The following SYNE2 variants were observed in gnomAD, a reference collection of about 807,000 sequenced individuals.
SYNE2 encodes the protein spectrin repeat containing nuclear envelope protein 2.
A neutral mutation model predicts 856.3 loss-of-function variants in SYNE2; 431 were observed. That is an observed-to-expected ratio of 0.50 (90% confidence interval 0.47 to 0.55). The LOEUF (loss-of-function observed/expected upper bound fraction) is 0.55, where lower values mean the gene tolerates loss of function less well. Among genes scored for constraint, SYNE2 ranks in the 20% least tolerant of loss-of-function variants. SYNE2 has a pLI of 0.00. For synonymous variants in SYNE2, 2,923 were observed against 2,872.3 expected (o/e 1.02, Z -0.56); for missense variants, 8,129 against 8,023.2 (o/e 1.01, Z -0.50).
intron 51 of SYNE2, among the ~76,000 whole-genome samples, chr14:64,067,727 C>A (rs370346132): frequency 5.9e-5 from 9 of 152,122 alleles, no homozygotes; most frequent in East Asian, 1.9e-4. Context: ...ACTTGTGTCC[C>A]CCTAAAATTT....
chr14:64,019,137 G>A (rs2096917115), intron 34 of SYNE2, among the ~76,000 whole-genome samples: 2 of 152,158 alleles, frequency 1.3e-5, no homozygotes, highest in Admixed American at 6.5e-5. Flanking sequence ...GCTGGGTGTG[G>A]TGGTGTGTGC....
In SYNE2 at chr14:64,224,979, G is replaced by A. The variant is rs1238595106; in HGVS notation, c.20470-20G>A. 1 of 1,612,752 alleles carries A rather than the reference G, an allele frequency of 6.2e-7. No individual in the cohort carries two copies. The highest frequency in any genetic ancestry group is 2.2e-5 in the East Asian group (1 of 44,844). ...CTAAACTGTCTTCAACTTACTAACT[G>A]GAGTTTCTTTACCCAGCAGTTCAGA... On this transcript the variant is annotated intron_variant, in intron 114 of 115. Transcript: ENST00000555002.
At chr14:64,141,910 G>A (rs200847610) in intron 81 of SYNE2, 32 bp from the exon 82 acceptor site, 3 of 1,612,282 alleles carry the variant, frequency 1.9e-6, no homozygotes, top group Non-Finnish European at 2.5e-6. Context: ...TTAACTGCAG[G>A]CAATTAAATG....
rs1368665282 is a variant in SYNE2, at chr14:64,051,536, CTA to C, written c.7644-19_7644-18del. 1 of 1,597,516 alleles carries C rather than the reference CTA, an allele frequency of 6.3e-7. No individual in the cohort carries two copies. The highest frequency in any genetic ancestry group is 1.7e-4 in the Middle Eastern group (1 of 5,924). ...AATAAGCATTAAATATTAACAAGCT[CTA>C]TTTTTATTCTTTTTCTAGAGGACCA... is the stretch of plus-strand genomic sequence containing the variant. On this transcript the variant is annotated intron_variant, in intron 47 of 115. Coordinates refer to ENST00000555002, the MANE Select transcript of SYNE2 (RefSeq NM_182914.3).
intron 73 of SYNE2, among the ~76,000 whole-genome samples, chr14:64,127,421 AAAAAAAT>A (rs749256642): frequency 4.6e-5 from 7 of 152,182 alleles, no homozygotes; most frequent in East Asian, 3.8e-4. Flanking sequence ...AGAAAAAAGT[AAAAAAAT>A]AAAAAATAAA....
At position 64,168,864 on chromosome 14, in the gene SYNE2, G is replaced by T. The variant is rs1259304140; in HGVS notation, c.16906-13G>T. On this transcript the variant is annotated splice_polypyrimidine_tract_variant and intron_variant, in intron 92 of 115. Transcript: ENST00000555002. Reference sequence around the variant, plus strand: ...TTTACTAGCTGATATTTTCTGCTTGGACTCATATACAGATGTTAGAAGCTG... The same window carrying T: ...TTTACTAGCTGATATTTTCTGCTTGTACTCATATACAGATGTTAGAAGCTG... 2 of 1,573,132 alleles carry T rather than the reference G, an allele frequency of 1.3e-6. No individual in the cohort carries two copies. The highest frequency in any genetic ancestry group is 2.2e-5 in the South Asian group (2 of 90,202).
intron 80 of SYNE2, among the ~76,000 whole-genome samples, 170 bp downstream of exon 80, chr14:64,140,243 G>A (rs556231298): frequency 5.9e-5 from 9 of 152,234 alleles, no homozygotes; most frequent in Middle Eastern, 3.4e-3. Flanking sequence ...CTGTTCATTC[G>A]TTTATAATAA....
rs148693358 is a variant in SYNE2, at chr14:64,065,917, A to G, written c.10431+267A>G. ...ACTACTAGCTGGTTTGAGTTTTACA[A>G]TCTTTATTGTGAAAATAACCCCTCT... On this transcript the variant is annotated intron_variant, in intron 51 of 115. Coordinates refer to ENST00000555002, the MANE Select transcript of SYNE2 (RefSeq NM_182914.3). Among the ~76,000 whole-genome samples, 300 of 152,314 alleles carry G rather than the reference A, an allele frequency of 2.0e-3. 2 individuals are homozygous for G. Among genetic ancestry groups the G allele is most frequent in the African/African-American group, 6.9e-3 (286 of 41,574 alleles).
intron 103 of SYNE2, among the ~76,000 whole-genome samples, chr14:64,211,254 G>A (rs1476056133): frequency 6.6e-6 from 1 of 152,128 alleles, no homozygotes; most frequent in African/African-American, 2.4e-5. Context: ...CTGGGATCGT[G>A]GGTGTGAGCC....
At chr14:63,928,633 G>T (rs1198489353) in intron 2 of SYNE2, among the ~76,000 whole-genome samples, 1 of 152,030 alleles carries the variant, frequency 6.6e-6, no homozygotes, top group Non-Finnish European at 1.5e-5. Flanking sequence ...TGTTTTGATT[G>T]TACATGCCTG....
rs199743242 is a variant in SYNE2 at position 64,027,590 on chromosome 14, C to G, written c.6511C>G (p.Leu2171Val). Residue 2171 changes from leucine to valine, a missense_variant, in exon 43 of 116, where the codon CTA becomes GTA. Around this residue, in one of 3 missense-constraint regions of SYNE2, gnomAD observed 297 missense variants for 380.9 expected, o/e 0.78. Coordinates refer to ENST00000555002, the MANE Select transcript of SYNE2 (RefSeq NM_182914.3). ...GAAGAAACAGGAAGCAGGCTTTGCT[C>G]TACAACATGGTCTGCAGGAGAAGAA... ...LKKKQEAGFA[L>V]QHGLQEKKAQ... 5.7e-4 allele frequency: 923 copies of G among 1,613,906 alleles called. 2 individuals carry two copies. The highest frequency in any genetic ancestry group is 7.5e-4 in the Non-Finnish European group (883 of 1,179,956).
At chr14:63,932,797 G>A (rs1487282528) in intron 2 of SYNE2, among the ~76,000 whole-genome samples, 4 of 152,328 alleles carry the variant, frequency 2.6e-5, no homozygotes, top group African/African-American at 4.8e-5. Context: ...GGGTGCCGGC[G>A]TTTCTATGAA....
chr14:64,124,896 G>A (rs1479726277), intron 70 of SYNE2, among the ~76,000 whole-genome samples, 183 bp from the exon 71 acceptor site: 3 of 152,106 alleles, frequency 2.0e-5, no homozygotes, highest in Admixed American at 6.5e-5. Flanking sequence ...CCAGCTACTC[G>A]GGAGGCTGAG....
chr14:64,001,442 T>C (rs1034532081), intron 28 of SYNE2, among the ~76,000 whole-genome samples: 1 of 152,152 alleles, frequency 6.6e-6, no homozygotes, highest in African/African-American at 2.4e-5. Context: ...CCCAGCACTT[T>C]GGGAGGCCAA....
chr14:64,044,545 G>C (rs1356073639), intron 45 of SYNE2, among the ~76,000 whole-genome samples: 1 of 152,158 alleles, frequency 6.6e-6, no homozygotes, highest in East Asian at 1.9e-4. Flanking sequence ...GAGATTTGGA[G>C]GGGCCAGATG....
At position 64,024,964 on chromosome 14, in the gene SYNE2, A is replaced by G. The variant is rs80046702; in HGVS notation, c.5893A>G (p.Lys1965Glu). Residue 1965 changes from lysine (K) to glutamate (E), a missense_variant, in exon 40 of 116, where the codon AAA (lysine) becomes GAA (glutamate). Physicochemically the swap from Lys to Glu is moderately conservative, Grantham distance 56. This residue lies in a region of SYNE2 where 2,422 missense variants were observed against 2,357.4 expected (regional missense o/e 1.03). Transcript: ENST00000555002. ...LRKWLTNQEEKWKGMEEPGEK... is the reference protein window; with the variant it reads ...LRKWLTNQEEEWKGMEEPGEK... Reference sequence around the variant, plus strand: ...GAAGTGGTTGACTAATCAAGAAGAGAAATGGAAAGGAATGGAAGAACCAGG... The same window carrying G: ...GAAGTGGTTGACTAATCAAGAAGAGGAATGGAAAGGAATGGAAGAACCAGG... 427 of 1,614,042 alleles carry G rather than the reference A, an allele frequency of 2.6e-4. 3 individuals are homozygous for G. The East Asian group carries it at 9.5e-3, about 36-fold the overall frequency.
At chr14:64,123,176 T>C (rs1477549289) in intron 70 of SYNE2, among the ~76,000 whole-genome samples, 1 of 152,092 alleles carries the variant, frequency 6.6e-6, no homozygotes, top group Non-Finnish European at 1.5e-5. Context: ...TTCTTTGGAA[T>C]CTACCATGTG....
intron 110 of SYNE2, 120 bp downstream of exon 110, chr14:64,219,530 A>T: frequency 1.0e-6 from 1 of 965,268 alleles, no homozygotes; most frequent in Non-Finnish European, 1.6e-6. Flanking sequence ...TGGTGTATGT[A>T]GAGGTCACTC....
chr14:64,213,082 G>A (rs1385344731), intron 105 of SYNE2, 77 bp downstream of exon 105: 4 of 1,471,726 alleles, frequency 2.7e-6, no homozygotes, highest in East Asian at 2.3e-5. Context: ...AAGAATTAGG[G>A]GACCTGTCTT....
Sources: allele counts gnomAD v4.1 joint callset (sites outside exome capture counted in the v4.1 genomes callset), GRCh38; gene constraint gnomAD v4.1.1; regional missense constraint gnomAD v4.1.1; transcripts MANE v1.5; gene names NCBI Gene and HGNC (gene_info 2026-07-23, HGNC 2026-07-21).